Variants in ASIC2 observed in about 807,000 individuals in gnomAD.
ASIC2 encodes the protein acid-sensing ion channel 2.
In ASIC2, 25 loss-of-function variants were observed where a neutral mutation model predicts 57.3. The observed-to-expected ratio is 0.44, with a 90% CI of 0.32 to 0.61. The LOEUF (loss-of-function observed/expected upper bound fraction) is 0.61, where lower values mean the gene tolerates loss of function less well. Ranked by LOEUF, ASIC2 falls within the 20% of genes least tolerant of loss-of-function variation. The pLI is 0.06. For missense variants in ASIC2, 641 were observed against 738.1 expected (o/e 0.87, Z 1.52); for synonymous variants, 319 against 307.5 (o/e 1.04, Z -0.39).
intron 1 of ASIC2, among the ~76,000 whole-genome samples, chr17:33,347,831 G>T (rs1353764678): frequency 4.6e-5 from 7 of 152,322 alleles, no homozygotes; most frequent in Admixed American, 6.5e-5. Context: ...GCTGGGCATG[G>T]TTGTTCATGC....
rs925454539 is a variant in ASIC2, at chr17:33,630,638, G to A, written c.556-518571C>T. On this transcript the variant is annotated intron_variant, in intron 1 of 9. Transcript: ENST00000359872. ...CTAGCTCTGACACTCCCTGCTGTGT[G>A]GCCTTAACAATCTACTTAACCTTCT... is the stretch of plus-strand genomic sequence containing the variant. Among the ~76,000 whole-genome samples the A allele has an allele frequency of 2.0e-5, 3 of 151,412 alleles. No homozygotes were observed. In the East Asian group the frequency reaches 5.9e-4, roughly 30 times the overall value.
intron 1 of ASIC2, among the ~76,000 whole-genome samples, chr17:33,385,498 C>G (rs1182827940): frequency 6.6e-6 from 1 of 152,234 alleles, no homozygotes; most frequent in African/African-American, 2.4e-5. Context: ...AAGCTGTTCT[C>G]TCACATGCCT....
At chr17:33,115,420 C>T (rs998013882) in intron 1 of ASIC2, among the ~76,000 whole-genome samples, 1 of 152,154 alleles carries the variant, frequency 6.6e-6, no homozygotes, top group African/African-American at 2.4e-5. Context: ...AGCCCCCAGT[C>T]CCCACTGGGG....
rs74200841 is a variant in ASIC2 at position 34,099,102 on chromosome 17, A to AAG, written c.555+56874_555+56875dup. ...GAGCAGCAGCTACATTAAGAGAGAA[A>AAG]AGAGAGAGAGAGAGAGAGAGAGAGA... On this transcript the variant is annotated intron_variant, in intron 1 of 9. Coordinates refer to the ASIC2 transcript ENST00000359872. Among the ~76,000 whole-genome samples, 296 of 81,244 alleles carry AAG rather than the reference A, an allele frequency of 3.6e-3. 1 individual carries two copies. The highest frequency in any genetic ancestry group is 0.014 in the East Asian group (42 of 2,946). 53.3% of individuals were successfully genotyped at this position (81,244 alleles called of 152,430 possible).
At chr17:34,123,155 C>G (rs1241691995) in intron 1 of ASIC2, among the ~76,000 whole-genome samples, 2 of 152,156 alleles carry the variant, frequency 1.3e-5, no homozygotes, top group African/African-American at 4.8e-5. Context: ...TGGCCCTCTC[C>G]AAGGGTGATA....
chr17:33,511,502 G>T (rs1217544501), intron 1 of ASIC2, among the ~76,000 whole-genome samples: 2 of 152,010 alleles, frequency 1.3e-5, no homozygotes, highest in African/African-American at 4.8e-5. Context: ...CCAGAAAATG[G>T]GGAGTCATCT....
At chr17:33,660,394 C>T (rs1352330181) in intron 1 of ASIC2, among the ~76,000 whole-genome samples, 1 of 152,032 alleles carries the variant, frequency 6.6e-6, no homozygotes, top group Non-Finnish European at 1.5e-5. Context: ...AACACAAACA[C>T]ATTGTACAGC....
At chr17:33,922,459 C>G (rs1915727765) in intron 1 of ASIC2, among the ~76,000 whole-genome samples, 1 of 152,326 alleles carries the variant, frequency 6.6e-6, no homozygotes, top group African/African-American at 2.4e-5. Flanking sequence ...TACCGCCTCA[C>G]TTTGTTCTAG....
At chr17:33,591,177 C>A (rs536089078) in intron 1 of ASIC2, among the ~76,000 whole-genome samples, 2 of 152,332 alleles carry the variant, frequency 1.3e-5, no homozygotes, top group South Asian at 4.1e-4. Flanking sequence ...GGAAAGCTGT[C>A]TTTCAGTTAC....
At chr17:33,343,980 T>C (rs1290973562) in intron 1 of ASIC2, among the ~76,000 whole-genome samples, 1 of 152,190 alleles carries the variant, frequency 6.6e-6, no homozygotes, top group African/African-American at 2.4e-5. Flanking sequence ...TCACCTCCTC[T>C]TCGAAGCCTT....
At chr17:33,991,153 A>G (rs1190634691) in intron 1 of ASIC2, among the ~76,000 whole-genome samples, 1 of 152,218 alleles carries the variant, frequency 6.6e-6, no homozygotes, top group Admixed American at 6.5e-5. Flanking sequence ...CTTGGTGTTG[A>G]CATGTGAGAA....
chr17:34,136,133 A>G (rs1245936798), intron 1 of ASIC2, among the ~76,000 whole-genome samples: 2 of 152,314 alleles, frequency 1.3e-5, no homozygotes, highest in Non-Finnish European at 2.9e-5. Flanking sequence ...AACAAAGATT[A>G]TAAGACTGAC....
At chr17:33,895,799 A>C (rs1414450744) in intron 1 of ASIC2, among the ~76,000 whole-genome samples, 1 of 152,182 alleles carries the variant, frequency 6.6e-6, no homozygotes, top group Non-Finnish European at 1.5e-5. Context: ...TTCTCTTTAA[A>C]TCATGTCTTA....
chr17:33,541,158 G>A (rs753763966), intron 1 of ASIC2: 10 of 152,128 alleles, frequency 6.6e-5, no homozygotes, highest in Non-Finnish European at 1.2e-4. Context: ...AGGTTGACAA[G>A]TTTAATACTT....
intron 1 of ASIC2, among the ~76,000 whole-genome samples, chr17:33,373,485 G>A (rs939937252): frequency 2.0e-5 from 3 of 152,254 alleles, no homozygotes; most frequent in African/African-American, 7.2e-5. Flanking sequence ...TTTGAGGGCT[G>A]TAACTGCCTT....
At chr17:33,024,867 C>T (rs1362687534) in intron 5 of ASIC2, among the ~76,000 whole-genome samples, 1 of 152,206 alleles carries the variant, frequency 6.6e-6, no homozygotes, top group Non-Finnish European at 1.5e-5. Context: ...TGGCTGAATT[C>T]TCAGTTGAGT....
chr17:33,349,294 C>T (rs1908069878), intron 1 of ASIC2, among the ~76,000 whole-genome samples: 1 of 152,150 alleles, frequency 6.6e-6, no homozygotes, highest in Non-Finnish European at 1.5e-5. Context: ...CCAAATAAAA[C>T]ATGTGTGAGG....
intron 1 of ASIC2, among the ~76,000 whole-genome samples, chr17:33,764,121 G>C (rs1910863960): frequency 6.6e-6 from 1 of 152,096 alleles, no homozygotes; most frequent in African/African-American, 2.4e-5. Context: ...GTGAAACCCT[G>C]TCTCTACTGA....
intron 2 of ASIC2, 182 bp downstream of exon 2, chr17:33,111,735 T>C: frequency 1.3e-6 from 1 of 755,526 alleles, no homozygotes; most frequent in Non-Finnish European, 2.0e-6. Flanking sequence ...TAGTAAAAGG[T>C]GAGGAAACCC....
Sources: gnomAD v4.1 joint callset for allele counts (sites outside exome capture counted in the v4.1 genomes callset) on GRCh38, gnomAD v4.1.1 for gene constraint, MANE v1.5 for transcripts, NCBI Gene and HGNC (gene_info 2026-07-23, HGNC 2026-07-21) for gene names.